The following GARRE1 variants were observed in gnomAD, a reference collection of about 807,000 sequenced individuals.
The protein encoded by GARRE1 is granule associated Rac and RHOG effector protein 1.
In GARRE1, 49 loss-of-function variants were observed where a neutral mutation model predicts 103.2. The observed-to-expected ratio is 0.47, with a 90% CI of 0.38 to 0.60. GARRE1 has a LOEUF of 0.60. GARRE1 is among the 20% of genes least tolerant of loss of function. GARRE1 has a pLI of 0.00. For missense variants in GARRE1, 1,199 were observed against 1,370.5 expected (o/e 0.87, Z 1.98); for synonymous variants, 505 against 532.8 (o/e 0.95, Z 0.72).
At position 34,328,130 on chromosome 19, in the gene GARRE1, C is replaced by G. The variant is rs549198518; in HGVS notation, c.1083C>G (p.Ala361=). The G allele has an allele frequency of 1.9e-6, 3 of 1,613,874 alleles. No homozygotes were observed. The highest frequency in any genetic ancestry group is 1.7e-5 in the Admixed American group (1 of 60,004). The change falls in exon 6 of 14, where the codon GCC becomes GCG. Residue 361 remains alanine (A), a synonymous_variant. Coordinates refer to ENST00000299505, the MANE Select transcript of GARRE1 (RefSeq NM_014686.5). ...GCGTCTCCTTTAATGAGTCGGCCGCCGACAATCTGAAACTTAAGACGGTAG... is the reference window on the plus strand; with the variant it reads ...GCGTCTCCTTTAATGAGTCGGCCGCGGACAATCTGAAACTTAAGACGGTAG... ...LKGVSFNESA[A]DNLKLKTHTM...
At chr19:34,321,682 T>C (rs1316939267) in intron 3 of GARRE1, among the ~76,000 whole-genome samples, 1 of 152,192 alleles carries the variant, frequency 6.6e-6, no homozygotes, top group African/African-American at 2.4e-5. Flanking sequence ...TTCACCGTCT[T>C]GGCCAGGCTG....
intron 3 of GARRE1, among the ~76,000 whole-genome samples, chr19:34,323,673 G>A (rs957843050): frequency 6.6e-6 from 1 of 151,968 alleles, no homozygotes; most frequent in Non-Finnish European, 1.5e-5. Context: ...TACAACCCTC[G>A]GTGTCCTCCT....
chr19:34,267,030 G>A (rs1330987627), intron 1 of GARRE1, among the ~76,000 whole-genome samples: 2 of 152,086 alleles, frequency 1.3e-5, no homozygotes, highest in Admixed American at 6.6e-5. Flanking sequence ...TTGAAGGGCC[G>A]AGGCGGGAGG....
chr19:34,291,089 G>C (rs1452482831), intron 1 of GARRE1, among the ~76,000 whole-genome samples: 1 of 151,580 alleles, frequency 6.6e-6, no homozygotes, highest in Non-Finnish European at 1.5e-5. Flanking sequence ...GTATTTTTTA[G>C]TAGATACGAG....
At chr19:34,302,693 T>C (rs2073986293) in intron 2 of GARRE1, among the ~76,000 whole-genome samples, 1 of 151,938 alleles carries the variant, frequency 6.6e-6, no homozygotes, top group Admixed American at 6.6e-5. Flanking sequence ...AATATTCAGA[T>C]GTATTTGAGT....
At chr19:34,327,636 A>G in intron 4 of GARRE1, 75 bp downstream of exon 4, 1 of 1,548,866 alleles carries the variant, frequency 6.5e-7, no homozygotes, top group South Asian at 1.1e-5. Context: ...GTGATGTTGA[A>G]TCAATTAGAA....
chr19:34,278,487 A>G (rs1413572691), intron 1 of GARRE1, among the ~76,000 whole-genome samples: 1 of 150,584 alleles, frequency 6.6e-6, no homozygotes, highest in Admixed American at 6.6e-5. Flanking sequence ...ATTAAACAGT[A>G]ACTCCCCATT....
Position 34,353,023 on chromosome 19 carries a change from C to A in GARRE1, c.*68C>A. The stretch of plus-strand genomic sequence containing the variant: ...AGAGCTGTGGGGATGAGTGTCCCCA[C>A]CCCAGGGCCACTTAGCTGACACCAG... On this transcript the variant is annotated 3_prime_UTR_variant, in exon 14 of 14. Coordinates refer to ENST00000299505, the MANE Select transcript of GARRE1 (RefSeq NM_014686.5). 1 of 1,379,258 alleles carries A rather than the reference C, an allele frequency of 7.3e-7. No individual in the cohort carries two copies. Among genetic ancestry groups the A allele is most frequent in the Admixed American group, 2.4e-5 (1 of 41,724 alleles). The allele number at this position is 1,379,258 out of a possible 1,614,324, so 85.4% of individuals were successfully genotyped here.
At chr19:34,289,911 T>C (rs2073908135) in intron 1 of GARRE1, among the ~76,000 whole-genome samples, 1 of 152,100 alleles carries the variant, frequency 6.6e-6, no homozygotes, top group South Asian at 2.1e-4. Flanking sequence ...AATATATAAA[T>C]TGAAGGGTTT....
rs758391092 is a variant in GARRE1 at position 34,333,768 on chromosome 19, G to C, written c.1328G>C (p.Gly443Ala). 2 of 1,610,418 alleles carry C rather than the reference G, an allele frequency of 1.2e-6. No homozygotes were observed. The highest frequency in any genetic ancestry group is 2.2e-5 in the East Asian group (1 of 44,828). The change falls in exon 8 of 14, where the codon GGC (glycine) becomes GCC (alanine). Residue 443 changes from glycine (G) to alanine (A), a missense_variant. By Grantham distance (60) the Gly-to-Ala change is moderately conservative. Coordinates refer to ENST00000299505, the MANE Select transcript of GARRE1 (RefSeq NM_014686.5). ...TATGCCCCCCAGATCAGTTTAGAAGGCTCTAGAATCGTGGTTCAAGTCCCA... is the reference window on the plus strand; with the variant it reads ...TATGCCCCCCAGATCAGTTTAGAAGCCTCTAGAATCGTGGTTCAAGTCCCA... ...EAYAPQISLE[G>A]SRIVVQVPST...
At chr19:34,274,241 A>T (rs1005926319) in intron 1 of GARRE1, among the ~76,000 whole-genome samples, 1 of 152,034 alleles carries the variant, frequency 6.6e-6, no homozygotes, top group Non-Finnish European at 1.5e-5. Flanking sequence ...CCCCGTCTGT[A>T]CTAAAAATAC....
intron 7 of GARRE1, among the ~76,000 whole-genome samples, chr19:34,332,630 A>C (rs1034678367): frequency 1.3e-5 from 2 of 152,168 alleles, no homozygotes; most frequent in Non-Finnish European, 2.9e-5. Flanking sequence ...GTTTTTTCCA[A>C]AGGTCATTGC....
At chr19:34,347,297 G>C (rs910807476) in intron 10 of GARRE1, among the ~76,000 whole-genome samples, 1 of 151,620 alleles carries the variant, frequency 6.6e-6, no homozygotes, top group Non-Finnish European at 1.5e-5. Context: ...TCACCATCTT[G>C]GTCAGACTGG....
chr19:34,281,709 A>G (rs2073855029), intron 1 of GARRE1, among the ~76,000 whole-genome samples: 1 of 152,174 alleles, frequency 6.6e-6, no homozygotes. Flanking sequence ...GTGAAGCACT[A>G]CACCTGGCCG....
chr19:34,351,445 G>C, intron 12 of GARRE1, 69 bp from the exon 13 acceptor site: 1 of 1,197,726 alleles, frequency 8.3e-7, no homozygotes, highest in Non-Finnish European at 1.2e-6. Flanking sequence ...CCTAGCACTA[G>C]TGTGTACCCT....
intron 11 of GARRE1, 141 bp downstream of exon 11, chr19:34,348,183 G>T: frequency 1.4e-6 from 1 of 713,802 alleles, no homozygotes. Flanking sequence ...AGTGACATGG[G>T]ATGAAATCTT....
chr19:34,329,921 T>TG (rs1417477090), intron 6 of GARRE1, among the ~76,000 whole-genome samples: 1 of 151,968 alleles, frequency 6.6e-6, no homozygotes, highest in Non-Finnish European at 1.5e-5. Context: ...CTACAAAAAA[T>TG]TTAAAAATTA....
chr19:34,331,034 G>A (rs955775685), intron 7 of GARRE1, among the ~76,000 whole-genome samples: 3 of 151,554 alleles, frequency 2.0e-5, no homozygotes, highest in Non-Finnish European at 4.4e-5. Flanking sequence ...CGAGTAGCTG[G>A]GACTACAGGC....
chr19:34,321,526 C>A (rs1487218209), intron 3 of GARRE1, among the ~76,000 whole-genome samples: 1 of 151,686 alleles, frequency 6.6e-6, no homozygotes, highest in Non-Finnish European at 1.5e-5. Context: ...ACGATCTTGG[C>A]TCACTGCAAC....
Sources: allele counts gnomAD v4.1 joint callset (sites outside exome capture counted in the v4.1 genomes callset), GRCh38; gene constraint gnomAD v4.1.1; transcripts MANE v1.5; gene names NCBI Gene and HGNC (gene_info 2026-07-23, HGNC 2026-07-21).